The following CNTNAP5 variants were observed in gnomAD, a reference collection of about 807,000 sequenced individuals.
CNTNAP5 encodes contactin associated protein family member 5, also known as contactin-associated protein-like 5.
A neutral mutation model predicts 150.2 loss-of-function variants in CNTNAP5; 72 were observed. The observed-to-expected ratio is 0.48, with a 90% CI of 0.40 to 0.58. The LOEUF is 0.58. Among genes scored for constraint, CNTNAP5 ranks in the 20% least tolerant of loss-of-function variants. The pLI is 0.00. For missense variants in CNTNAP5, 1,636 were observed against 1,626.2 expected, an observed-to-expected ratio of 1.01 and a Z score of -0.10; for synonymous variants, 672 against 619.8, an observed-to-expected ratio of 1.08 and a Z score of -1.25.
intron 3 of CNTNAP5, among the ~76,000 whole-genome samples, chr2:124,343,411 T>C (rs1321146273): frequency 6.6e-6 from 1 of 152,188 alleles, no homozygotes; most frequent in Non-Finnish European, 1.5e-5. Flanking sequence ...AATATCTTTT[T>C]AGGGGGAATT....
At chr2:124,703,786 C>G (rs552637676) in intron 13 of CNTNAP5, among the ~76,000 whole-genome samples, 23 of 152,232 alleles carry the variant, frequency 1.5e-4, no homozygotes, top group African/African-American at 4.8e-4. Context: ...CATAGAAGGT[C>G]AATGCCTGAT....
Position 124,242,214 on chromosome 2 carries a change from T to G in CNTNAP5, c.202T>G (p.Ser68Ala). 6.3e-7 allele frequency: 1 copy of G among 1,590,792 alleles called. No individual in the cohort carries two copies. Among genetic ancestry groups the G allele is most frequent in the Non-Finnish European group, 8.6e-7 (1 of 1,167,704 alleles). Residue 68 changes from serine to alanine, a missense_variant, in exon 3 of 24, where the codon TCC becomes GCC. Coordinates refer to ENST00000682447, the MANE Select transcript of CNTNAP5 (RefSeq NM_001367498.1). ...TCCTGTTCCAGGAACTGGCGGTTGG[T>G]CCCCAGCAGATTCCAATGCTCAACA... ...LNWRVGTGGW[S>A]PADSNAQQWL...
intron 19 of CNTNAP5, among the ~76,000 whole-genome samples, chr2:124,852,111 A>C (rs2104704333): frequency 6.6e-6 from 1 of 152,282 alleles, no homozygotes; most frequent in East Asian, 1.9e-4. Context: ...GGGAATTAGA[A>C]AGGGAAGAGA....
rs1428557511 is a variant in CNTNAP5 at position 124,711,566 on chromosome 2, T to C, written c.2078-35663T>C. Among the ~76,000 whole-genome samples, 12 of 152,130 alleles carry C rather than the reference T, an allele frequency of 7.9e-5. No individual in the cohort carries two copies. The East Asian group carries it at 2.1e-3, about 27-fold the overall frequency. Reference sequence around the variant, plus strand: ...ATGGCTTAAGCGATATGGATATTTATTAACAAAAATAATTTGTATTTGAGG... The same window carrying C: ...ATGGCTTAAGCGATATGGATATTTACTAACAAAAATAATTTGTATTTGAGG... On this transcript the variant is annotated intron_variant, in intron 13 of 23. Transcript: ENST00000682447.
chr2:124,367,297 G>A (rs1263559994), intron 3 of CNTNAP5, among the ~76,000 whole-genome samples: 3 of 152,156 alleles, frequency 2.0e-5, no homozygotes, highest in Non-Finnish European at 4.4e-5. Context: ...AAGGAAAGAC[G>A]TTTAATTGAC....
intron 12 of CNTNAP5, among the ~76,000 whole-genome samples, chr2:124,645,261 C>A (rs919442093): frequency 6.6e-6 from 1 of 152,106 alleles, no homozygotes; most frequent in Non-Finnish European, 1.5e-5. Flanking sequence ...AAGCAAATAA[C>A]ATCAACTTGT....
At chr2:124,758,023 TAAG>T (rs916354109) in intron 14 of CNTNAP5, among the ~76,000 whole-genome samples, 3 of 152,040 alleles carry the variant, frequency 2.0e-5, no homozygotes, top group Admixed American at 6.6e-5. Flanking sequence ...CTTGGAATAA[TAAG>T]AAGAATGATA....
At chr2:124,836,897 C>T (rs539556183) in intron 19 of CNTNAP5, among the ~76,000 whole-genome samples, 2 of 152,118 alleles carry the variant, frequency 1.3e-5, no homozygotes, top group South Asian at 2.1e-4. Flanking sequence ...ATATGAATTG[C>T]GAATAATAAA....
chr2:124,694,397 G>T (rs1361579023), intron 13 of CNTNAP5, among the ~76,000 whole-genome samples: 1 of 152,112 alleles, frequency 6.6e-6, no homozygotes, highest in African/African-American at 2.4e-5. Flanking sequence ...CTGCTCGCCT[G>T]CATAGAGTCA....
At chr2:124,458,864 A>T (rs990835011) in intron 6 of CNTNAP5, among the ~76,000 whole-genome samples, 4 of 152,224 alleles carry the variant, frequency 2.6e-5, no homozygotes, top group African/African-American at 9.6e-5. Flanking sequence ...ATGCTAATCC[A>T]TGCTAAAATA....
At chr2:124,161,308 A>G (rs779750361) in intron 1 of CNTNAP5, among the ~76,000 whole-genome samples, 1 of 152,176 alleles carries the variant, frequency 6.6e-6, no homozygotes, top group South Asian at 2.1e-4. Flanking sequence ...CCAATGTCAT[A>G]GTGCACTCTA....
intron 3 of CNTNAP5, among the ~76,000 whole-genome samples, chr2:124,368,460 C>T (rs888352482): frequency 6.6e-6 from 1 of 152,092 alleles, no homozygotes; most frequent in African/African-American, 2.4e-5. Flanking sequence ...AAATATGACC[C>T]AGGAAGTTCA....
intron 3 of CNTNAP5, among the ~76,000 whole-genome samples, chr2:124,324,556 G>A (rs1689170643): frequency 6.6e-6 from 1 of 152,166 alleles, no homozygotes; most frequent in Admixed American, 6.5e-5. Flanking sequence ...GAGTTTGGAG[G>A]GACGGGTAAA....
intron 8 of CNTNAP5, among the ~76,000 whole-genome samples, chr2:124,506,824 T>C (rs1193329931): frequency 6.6e-6 from 1 of 152,148 alleles, no homozygotes; most frequent in Non-Finnish European, 1.5e-5. Flanking sequence ...TCCCATAAGG[T>C]CACAATTGAA....
At chr2:124,763,366 G>A (rs373642106) in intron 14 of CNTNAP5, among the ~76,000 whole-genome samples, 1 of 152,108 alleles carries the variant, frequency 6.6e-6, no homozygotes, top group African/African-American at 2.4e-5. Flanking sequence ...TGTCACATTA[G>A]CACACATTGA....
chr2:124,452,478 G>A (rs1693008541), intron 6 of CNTNAP5, among the ~76,000 whole-genome samples: 2 of 152,128 alleles, frequency 1.3e-5, no homozygotes, highest in South Asian at 4.1e-4. Context: ...TGAAGAAAAA[G>A]GGCATATACT....
intron 21 of CNTNAP5, among the ~76,000 whole-genome samples, chr2:124,879,388 C>T (rs976537432): frequency 2.6e-5 from 4 of 152,166 alleles, no homozygotes; most frequent in Admixed American, 2.0e-4. Context: ...AAGGTTATCA[C>T]ACTACCCATG....
chr2:124,407,161 A>G (rs1691592876), intron 3 of CNTNAP5, among the ~76,000 whole-genome samples: 1 of 151,964 alleles, frequency 6.6e-6, no homozygotes, highest in African/African-American at 2.4e-5. Flanking sequence ...GGGTGCAGGT[A>G]TCCTTTTGAT....
chr2:124,826,423 A>C (rs1446756957), intron 19 of CNTNAP5, among the ~76,000 whole-genome samples: 1 of 152,080 alleles, frequency 6.6e-6, no homozygotes. Flanking sequence ...TAAAGAGAGA[A>C]GGTGGGGAAT....
Sources: allele counts gnomAD v4.1 joint callset (sites outside exome capture counted in the v4.1 genomes callset), GRCh38; gene constraint gnomAD v4.1.1; transcripts MANE v1.5; gene names NCBI Gene and HGNC (gene_info 2026-07-23, HGNC 2026-07-21).